The following KCNIP1 variants were observed in gnomAD, a reference collection of about 807,000 sequenced individuals.
KCNIP1 encodes the protein A-type potassium channel modulatory protein KCNIP1.
A neutral mutation model predicts 33.0 loss-of-function variants in KCNIP1; 18 were observed. That is an observed-to-expected ratio of 0.55 (90% confidence interval 0.38 to 0.81). The LOEUF is 0.81. Ranked by LOEUF, KCNIP1 falls within the 30% of genes least tolerant of loss-of-function variation. The pLI is 0.00. For missense variants in KCNIP1, 238 were observed against 271.6 expected (o/e 0.88, Z 0.87); for synonymous variants, 93 against 98.3 (o/e 0.95, Z 0.32).
intron 1 of KCNIP1, among the ~76,000 whole-genome samples, chr5:170,690,182 C>G (rs1375333023): frequency 2.0e-5 from 3 of 152,128 alleles, no homozygotes; most frequent in Non-Finnish European, 4.4e-5. Context: ...AGGGATTTTT[C>G]TCCAAAGCTT....
chr5:170,704,862 T>C (rs575279492), intron 1 of KCNIP1, among the ~76,000 whole-genome samples: 2 of 152,344 alleles, frequency 1.3e-5, no homozygotes, highest in South Asian at 4.1e-4. Flanking sequence ...TTCATGGTAA[T>C]GATGTAGACC....
chr5:170,373,491 G>A (rs536817711), intron 1 of KCNIP1, among the ~76,000 whole-genome samples: 1 of 152,296 alleles, frequency 6.6e-6, no homozygotes, highest in South Asian at 2.1e-4. Flanking sequence ...TCTATTAACA[G>A]TTACCATTTT....
intron 1 of KCNIP1, among the ~76,000 whole-genome samples, chr5:170,608,695 C>A (rs1453778691): frequency 1.3e-5 from 2 of 151,974 alleles, no homozygotes; most frequent in African/African-American, 2.4e-5. Flanking sequence ...TCGCTTGAAC[C>A]CGGGAGGCAG....
At chr5:170,502,269 T>G (rs1027883649), upstream of KCNIP1, among the ~76,000 whole-genome samples, 1 of 152,128 alleles carries the variant, frequency 6.6e-6, no homozygotes, top group Non-Finnish European at 1.5e-5. Flanking sequence ...TAAGTGCCCC[T>G]CCCCTGTTGC....
intron 1 of KCNIP1, among the ~76,000 whole-genome samples, chr5:170,466,931 A>G (rs1250230409): frequency 6.6e-6 from 1 of 152,194 alleles, no homozygotes; most frequent in Non-Finnish European, 1.5e-5. Context: ...AAAATCATAC[A>G]AGGATGATTT....
At chr5:170,570,412 C>T (rs1288895808) in intron 1 of KCNIP1, among the ~76,000 whole-genome samples, 1 of 152,170 alleles carries the variant, frequency 6.6e-6, no homozygotes, top group Non-Finnish European at 1.5e-5. Flanking sequence ...CACGCTGTTA[C>T]ACTTCCCCAC....
At chr5:170,608,659 C>G (rs561560241) in intron 1 of KCNIP1, among the ~76,000 whole-genome samples, 1 of 151,776 alleles carries the variant, frequency 6.6e-6, no homozygotes, top group East Asian at 1.9e-4. Context: ...GTAATCCCAG[C>G]GACTCGGGAG....
At chr5:170,601,234 G>A (rs193185604) in intron 1 of KCNIP1, among the ~76,000 whole-genome samples, 75 of 152,364 alleles carry the variant, frequency 4.9e-4, no homozygotes, top group Middle Eastern at 3.4e-3. Flanking sequence ...GACACATGCC[G>A]GGGACGGCTG....
intron 4 of KCNIP1, 72 bp from the exon 5 acceptor site, chr5:170,722,641 G>T: frequency 1.9e-6 from 2 of 1,036,132 alleles, no homozygotes; most frequent in South Asian, 1.3e-5. Flanking sequence ...ATCACAGTCT[G>T]ACCCAAAGAC....
intron 1 of KCNIP1, among the ~76,000 whole-genome samples, chr5:170,574,472 G>T (rs550230911): frequency 6.6e-6 from 1 of 152,330 alleles, no homozygotes; most frequent in South Asian, 2.1e-4. Flanking sequence ...AGGAATAAAT[G>T]TTTGAAAGCA....
intron 1 of KCNIP1, among the ~76,000 whole-genome samples, chr5:170,653,328 G>A (rs1179424011): frequency 2.6e-5 from 4 of 152,170 alleles, no homozygotes; most frequent in Non-Finnish European, 5.9e-5. Context: ...TCAGCTCAGT[G>A]TCCTTGGAAA....
At chr5:170,397,526 G>T (rs115175284) in intron 1 of KCNIP1, among the ~76,000 whole-genome samples, 10 of 152,250 alleles carry the variant, frequency 6.6e-5, no homozygotes, top group Non-Finnish European at 1.0e-4. Context: ...TATTTGTAGG[G>T]GTCTGAAAGG....
intron 5 of KCNIP1, among the ~76,000 whole-genome samples, chr5:170,730,160 A>G (rs1273731507): frequency 6.6e-6 from 1 of 152,148 alleles, no homozygotes. Flanking sequence ...ATGCTTATAT[A>G]CACATGCAAA....
Position 170,434,612 on chromosome 5 carries a change from T to TG in KCNIP1, c.88+80653dup, listed in dbSNP as rs531939537. On this transcript the variant is annotated intron_variant, in intron 1 of 7. Coordinates refer to the KCNIP1 transcript ENST00000377360. ...GCAGCAGCCAGGGACCTGGGTTGAC[T>TG]GGGGGACGGGTCGGTGGGTGGGGTG... 1.5e-3 allele frequency among the ~76,000 whole-genome samples: 234 copies of TG among 152,190 alleles called. 2 individuals carry two copies. Among genetic ancestry groups the TG allele is most frequent in the African/African-American group, 5.3e-3 (219 of 41,518 alleles).
At chr5:170,431,628 C>T (rs1755742354) in intron 1 of KCNIP1, among the ~76,000 whole-genome samples, 1 of 152,200 alleles carries the variant, frequency 6.6e-6, no homozygotes, top group Non-Finnish European at 1.5e-5. Context: ...CCAAATGGAT[C>T]CAACCAGAGA....
chr5:170,635,656 G>T (rs1760252397), intron 1 of KCNIP1, among the ~76,000 whole-genome samples: 1 of 152,252 alleles, frequency 6.6e-6, no homozygotes, highest in African/African-American at 2.4e-5. Flanking sequence ...TAAGGGACAA[G>T]GGGGCAGGTC....
At chr5:170,516,729 C>A (rs571386548) in intron 1 of KCNIP1, among the ~76,000 whole-genome samples, 1 of 152,138 alleles carries the variant, frequency 6.6e-6, no homozygotes, top group African/African-American at 2.4e-5. Context: ...CCTAGCTTAC[C>A]GTTTAGGAGC....
chr5:170,546,815 AT>A (rs1756425727), intron 1 of KCNIP1, among the ~76,000 whole-genome samples: 1 of 152,158 alleles, frequency 6.6e-6, no homozygotes, highest in South Asian at 2.1e-4. Context: ...ATATACAGCA[AT>A]ATTTAGAGTC....
rs368803173 is a variant in KCNIP1, at chr5:170,512,824, C to T, written c.61+8191C>T. Among the ~76,000 whole-genome samples, 123 of 152,056 alleles carry T rather than the reference C, an allele frequency of 8.1e-4. 1 individual carries two copies. The highest frequency in any genetic ancestry group is 3.1e-3 in the South Asian group (15 of 4,820). On this transcript the variant is annotated intron_variant, in intron 1 of 7. Coordinates refer to ENST00000328939, the MANE Select transcript of KCNIP1 (RefSeq NM_014592.4). ...CAGCACTTTGGGAGGCCGAGGCTGG[C>T]GGATCATGAGGTCAGGAGATAGAGA...
Sources: allele counts gnomAD v4.1 joint callset (sites outside exome capture counted in the v4.1 genomes callset), GRCh38; gene constraint gnomAD v4.1.1; transcripts MANE v1.5; gene names NCBI Gene and HGNC (gene_info 2026-07-23, HGNC 2026-07-21).